The following LRRC4C variants were observed in gnomAD, a reference collection of about 807,000 sequenced individuals.
LRRC4C encodes the protein leucine rich repeat containing 4C, also known as leucine-rich repeat-containing protein 4C.
A neutral mutation model predicts 33.6 loss-of-function variants in LRRC4C; 5 were observed. That is an observed-to-expected ratio of 0.15 (90% confidence interval 0.08 to 0.31). The LOEUF is 0.31. LRRC4C is among the 10% of genes least tolerant of loss of function. LRRC4C has a pLI of 1.00. For synonymous variants in LRRC4C, 329 were observed against 302.0 expected (o/e 1.09, Z -0.93); for missense variants, 560 against 796.7 (o/e 0.70, Z 3.58).
intron 2 of LRRC4C, among the ~76,000 whole-genome samples, chr11:40,814,423 C>A (rs886690927): frequency 6.6e-6 from 1 of 152,018 alleles, no homozygotes; most frequent in African/African-American, 2.4e-5. Context: ...AGTAGGGGGA[C>A]CCTGGACTTG....
At chr11:40,322,540 C>G (rs775217828) in intron 3 of LRRC4C, among the ~76,000 whole-genome samples, 25 of 152,126 alleles carry the variant, frequency 1.6e-4, no homozygotes, top group Admixed American at 1.6e-3. Flanking sequence ...AACACTGCAC[C>G]CGGCCAAGAA....
chr11:41,360,183 AAAACAAAC>A (rs375099968), intron 1 of LRRC4C, among the ~76,000 whole-genome samples: 112 of 152,222 alleles, frequency 7.4e-4, no homozygotes, highest in Non-Finnish European at 1.5e-3. Context: ...ACCCTGTCTC[AAAACAAAC>A]AAACAAACAA....
chr11:40,491,735 A>G (rs769057757), intron 3 of LRRC4C, among the ~76,000 whole-genome samples: 2 of 152,124 alleles, frequency 1.3e-5, no homozygotes, highest in African/African-American at 2.4e-5. Context: ...TAATAACTCA[A>G]AATCAACTGA....
At chr11:40,966,695 T>C (rs1851388231) in intron 1 of LRRC4C, among the ~76,000 whole-genome samples, 1 of 151,968 alleles carries the variant, frequency 6.6e-6, no homozygotes. Flanking sequence ...CTTCTTTTCC[T>C]TTCCTTGATT....
chr11:40,810,769 C>T (rs1363488648), intron 2 of LRRC4C, among the ~76,000 whole-genome samples: 1 of 152,094 alleles, frequency 6.6e-6, no homozygotes, highest in African/African-American at 2.4e-5. Flanking sequence ...TGGTTTGGTG[C>T]CCAAAATATA....
At chr11:40,344,755 C>T (rs1296940042) in intron 3 of LRRC4C, among the ~76,000 whole-genome samples, 1 of 152,112 alleles carries the variant, frequency 6.6e-6, no homozygotes, top group African/African-American at 2.4e-5. Context: ...TTACAAATCC[C>T]CATAGTCTGT....
intron 1 of LRRC4C, among the ~76,000 whole-genome samples, chr11:41,046,952 T>C (rs1437081203): frequency 6.6e-6 from 1 of 152,144 alleles, no homozygotes; most frequent in Non-Finnish European, 1.5e-5. Context: ...AATCTTAGAT[T>C]ATAAAATGGA....
intron 6 of LRRC4C, among the ~76,000 whole-genome samples, chr11:40,119,707 G>A (rs1043015803): frequency 1.3e-5 from 2 of 152,000 alleles, no homozygotes; most frequent in African/African-American, 4.8e-5. Flanking sequence ...TCTAACATTT[G>A]AGGCCTTGCT....
At chr11:40,761,619 C>T (rs555958412) in intron 2 of LRRC4C, among the ~76,000 whole-genome samples, 2 of 152,256 alleles carry the variant, frequency 1.3e-5, no homozygotes, top group East Asian at 1.9e-4. Flanking sequence ...AAACATTATA[C>T]TGAGCAAGCA....
chr11:40,424,780 AT>A (rs571646621), intron 3 of LRRC4C, among the ~76,000 whole-genome samples: 32 of 152,358 alleles, frequency 2.1e-4, no homozygotes, highest in African/African-American at 7.7e-4. Context: ...GGCACAAAAT[AT>A]TTTTTGGATA....
rs1212718274 is a variant in LRRC4C, at chr11:40,613,357, G to A, written c.-270+34785C>T. On this transcript the variant is annotated intron_variant, in intron 3 of 6. Coordinates refer to ENST00000528697, the MANE Select transcript of LRRC4C (RefSeq NM_001258419.2). ...ACAATGTTCACAGTATTTTGACCAGGAATATATTCTATCTCAAGAAACCAC... is the reference window on the plus strand; with the variant it reads ...ACAATGTTCACAGTATTTTGACCAGAAATATATTCTATCTCAAGAAACCAC... 2.6e-5 allele frequency among the ~76,000 whole-genome samples: 4 copies of A among 151,728 alleles called. No homozygotes were observed. The East Asian group carries it at 5.8e-4, about 22-fold the overall frequency.
chr11:40,253,481 A>G (rs1277427777), intron 4 of LRRC4C, among the ~76,000 whole-genome samples: 1 of 152,176 alleles, frequency 6.6e-6, no homozygotes. Flanking sequence ...ACTCAATCTC[A>G]ATAAGCCTCA....
intron 6 of LRRC4C, among the ~76,000 whole-genome samples, chr11:40,116,590 T>C (rs1269679279): frequency 6.6e-6 from 1 of 152,190 alleles, no homozygotes; most frequent in Admixed American, 6.5e-5. Flanking sequence ...GACACTAATG[T>C]ATTGTTTACC....
At chr11:41,012,133 C>A (rs1445271560) in intron 1 of LRRC4C, among the ~76,000 whole-genome samples, 1 of 152,032 alleles carries the variant, frequency 6.6e-6, no homozygotes, top group Admixed American at 6.6e-5. Flanking sequence ...CAATAGATTA[C>A]TGTAAACTAC....
intron 2 of LRRC4C, among the ~76,000 whole-genome samples, chr11:40,837,344 TGCTTATTTAG>T (rs1554972069): frequency 1.3e-5 from 2 of 152,142 alleles, no homozygotes; most frequent in Non-Finnish European, 2.9e-5. Context: ...AATTGCATAA[TGCTTATTTAG>T]AGTTAGCATT....
chr11:40,439,099 T>C (rs1590738244), intron 3 of LRRC4C, among the ~76,000 whole-genome samples: 1 of 57,780 alleles, frequency 1.7e-5, no homozygotes, highest in East Asian at 8.8e-4. Context: ...CCCAGCTAAT[T>C]TTTTTTTTTT....
intron 2 of LRRC4C, among the ~76,000 whole-genome samples, chr11:40,915,053 A>G (rs1168340343): frequency 1.3e-5 from 2 of 152,296 alleles, no homozygotes; most frequent in East Asian, 3.9e-4. Context: ...AGAGGATATA[A>G]ACAAATGGAA....
intron 1 of LRRC4C, among the ~76,000 whole-genome samples, chr11:40,984,689 C>T: frequency 6.6e-6 from 1 of 151,946 alleles, no homozygotes. Flanking sequence ...GTTAGAAGGA[C>T]TAGATGAAGA....
At chr11:41,459,087 C>T (rs765593077) in intron 1 of LRRC4C, among the ~76,000 whole-genome samples, 26 of 152,204 alleles carry the variant, frequency 1.7e-4, no homozygotes, top group Middle Eastern at 3.4e-3. Flanking sequence ...CTGCCAGTCG[C>T]TTTTCTGATT....
Sources: allele counts gnomAD v4.1 joint callset (sites outside exome capture counted in the v4.1 genomes callset), GRCh38; gene constraint gnomAD v4.1.1; transcripts MANE v1.5; gene names NCBI Gene and HGNC (gene_info 2026-07-23, HGNC 2026-07-21).